Variants in ARHGEF3 observed in about 807,000 individuals in gnomAD.
The protein encoded by ARHGEF3 is 59.8 kDA protein.
Under a neutral mutation model 63.2 loss-of-function variants are expected in ARHGEF3, and 28 were observed. The ratio of observed to expected loss-of-function variants is 0.44; its 90% CI spans 0.33 to 0.61. The LOEUF (loss-of-function observed/expected upper bound fraction) is 0.61. ARHGEF3 is among the 20% of genes least tolerant of loss of function. The pLI is 0.03. For missense variants in ARHGEF3, 533 were observed against 659.3 expected (o/e 0.81, Z 2.10); for synonymous variants, 266 against 254.2 (o/e 1.05, Z -0.44).
chr3:56,861,052 G>A (rs1297494298), intron 4 of ARHGEF3, among the ~76,000 whole-genome samples: 1 of 152,208 alleles, frequency 6.6e-6, no homozygotes, highest in African/African-American at 2.4e-5. Context: ...GGCTAGGAGA[G>A]GCCCCTGTGC....
At chr3:56,894,727 T>C (rs1413009204) in intron 3 of ARHGEF3, among the ~76,000 whole-genome samples, 1 of 152,154 alleles carries the variant, frequency 6.6e-6, no homozygotes, top group Non-Finnish European at 1.5e-5. Context: ...AGTTGAACAT[T>C]CTCTGTATGC....
At chr3:56,928,365 T>C (rs41433248) in intron 3 of ARHGEF3, among the ~76,000 whole-genome samples, 18,739 of 152,124 alleles carry the variant, frequency 0.12, 1,419 homozygotes, top group East Asian at 0.27. Flanking sequence ...AGCTTTTCAG[T>C]GGCAGCATCC....
intron 3 of ARHGEF3, among the ~76,000 whole-genome samples, chr3:56,927,795 T>C (rs896181111): frequency 2.0e-5 from 3 of 152,194 alleles, no homozygotes; most frequent in Non-Finnish European, 2.9e-5. Context: ...ACAAAAACCT[T>C]GATTTCCTCA....
At chr3:57,069,415 T>TCA (rs1560176738) in intron 1 of ARHGEF3, among the ~76,000 whole-genome samples, 51 of 131,412 alleles carry the variant, frequency 3.9e-4, no homozygotes, top group Middle Eastern at 3.9e-3. Context: ...ACACACATTG[T>TCA]TTGTTTAAAA....
At chr3:56,865,163 A>G (rs942353005) in intron 4 of ARHGEF3, among the ~76,000 whole-genome samples, 1 of 152,170 alleles carries the variant, frequency 6.6e-6, no homozygotes, top group African/African-American at 2.4e-5. Flanking sequence ...TGGCAGGCCT[A>G]TTTCCACAAC....
At chr3:56,878,289 C>T (rs1045532373) in intron 4 of ARHGEF3, among the ~76,000 whole-genome samples, 4 of 152,150 alleles carry the variant, frequency 2.6e-5, no homozygotes, top group Admixed American at 6.5e-5. Flanking sequence ...TATCCTCTGA[C>T]GTGAGGGGAG....
chr3:56,882,271 G>T, intron 4 of ARHGEF3: 1 of 1,547,764 alleles, frequency 6.5e-7, no homozygotes, highest in Non-Finnish European at 8.7e-7. Flanking sequence ...TGCCAGTGGG[G>T]GAAGAAAGGA....
intron 3 of ARHGEF3, among the ~76,000 whole-genome samples, chr3:56,919,632 G>A (rs1163758226): frequency 6.6e-6 from 1 of 152,198 alleles, no homozygotes; most frequent in Non-Finnish European, 1.5e-5. Flanking sequence ...GATAACTCAT[G>A]ATGAAAGTGC....
At chr3:56,984,454 G>A (rs369121409) in intron 2 of ARHGEF3, among the ~76,000 whole-genome samples, 6 of 152,172 alleles carry the variant, frequency 3.9e-5, no homozygotes, top group African/African-American at 1.4e-4. Flanking sequence ...GGAAGGGAGG[G>A]AGGTGGACAA....
chr3:56,732,177 C>G, intron 9 of ARHGEF3, 61 bp downstream of exon 9: 1 of 1,592,492 alleles, frequency 6.3e-7, no homozygotes, highest in Non-Finnish European at 8.6e-7. Context: ...CAGCTGCCCA[C>G]TCCCTCCAAA....
At chr3:57,014,710 T>C (rs760453931) in intron 2 of ARHGEF3, among the ~76,000 whole-genome samples, 1 of 151,406 alleles carries the variant, frequency 6.6e-6, no homozygotes, top group South Asian at 2.1e-4. Flanking sequence ...AGACAGAGTC[T>C]CGCTGTGTCA....
At position 57,074,078 on chromosome 3, in the gene ARHGEF3, A is replaced by C. The variant is rs769247768; in HGVS notation, c.-28+5148T>G. The C allele has an allele frequency of 2.2e-5, 36 of 1,613,918 alleles. No individual in the cohort carries two copies. The South Asian group carries it at 3.0e-4, about 13-fold the overall frequency. On this transcript the variant is annotated intron_variant, in intron 1 of 12. Coordinates refer to the ARHGEF3 transcript ENST00000338458. ...AAGTTATTCATAACTCTACACCTCA[A>C]TTTCTTGGTATGGAAGATGGGGATA...
intron 2 of ARHGEF3, among the ~76,000 whole-genome samples, chr3:56,763,710 A>C (rs1461621688): frequency 1.3e-5 from 2 of 152,038 alleles, no homozygotes; most frequent in African/African-American, 4.8e-5. Context: ...TTTCTTTTTA[A>C]AATTTTATTT....
At chr3:56,873,211 T>C (rs1001915086) in intron 4 of ARHGEF3, among the ~76,000 whole-genome samples, 2 of 118,398 alleles carry the variant, frequency 1.7e-5, no homozygotes, top group African/African-American at 3.1e-5. Flanking sequence ...GTTTTACTTT[T>C]GTGCTATGTT....
intron 3 of ARHGEF3, among the ~76,000 whole-genome samples, chr3:56,890,487 C>T (rs1431393564): frequency 3.3e-5 from 5 of 152,208 alleles, no homozygotes; most frequent in African/African-American, 1.2e-4. Context: ...ATTACTACTG[C>T]TGTCACTGCT....
At chr3:56,833,212 T>C (rs1279321638) in intron 4 of ARHGEF3, among the ~76,000 whole-genome samples, 4 of 152,290 alleles carry the variant, frequency 2.6e-5, no homozygotes, top group South Asian at 2.1e-4. Context: ...CCACCAGCAA[T>C]GTATAAGGGT....
intron 2 of ARHGEF3, among the ~76,000 whole-genome samples, chr3:56,981,516 C>A (rs1701326762): frequency 6.6e-6 from 1 of 152,106 alleles, no homozygotes; most frequent in African/African-American, 2.4e-5. Flanking sequence ...ACCAACAGAG[C>A]TAGTTGTTGA....
chr3:56,793,557 C>T (rs1489033687), intron 1 of ARHGEF3, among the ~76,000 whole-genome samples: 3 of 152,170 alleles, frequency 2.0e-5, no homozygotes, highest in African/African-American at 2.4e-5. Flanking sequence ...CCCGCCTCGG[C>T]TTCCCAAAGT....
At chr3:56,810,560 A>G (rs2038027390) in intron 4 of ARHGEF3, among the ~76,000 whole-genome samples, 1 of 152,186 alleles carries the variant, frequency 6.6e-6, no homozygotes, top group African/African-American at 2.4e-5. Flanking sequence ...AAAGAAAAAT[A>G]TTGTCAATTA....
Sources: allele counts gnomAD v4.1 joint callset (sites outside exome capture counted in the v4.1 genomes callset), GRCh38; gene constraint gnomAD v4.1.1; transcripts MANE v1.5; gene names NCBI Gene and HGNC (gene_info 2026-07-23, HGNC 2026-07-21).